The following SELENOF variants were observed in gnomAD, a reference collection of about 807,000 sequenced individuals.
The protein encoded by SELENOF is 15 kDa selenoprotein.
SELENOF carries 16 observed loss-of-function variants against 20.5 expected under a neutral mutation model. The ratio of observed to expected loss-of-function variants is 0.78; its 90% confidence interval spans 0.53 to 1.19. The LOEUF (loss-of-function observed/expected upper bound fraction) is 1.19. SELENOF is among the 50% of genes most tolerant of loss of function. SELENOF has a pLI of 0.00. For missense variants in SELENOF, 215 were observed against 194.2 expected, an observed-to-expected ratio of 1.11 and a Z score of -0.64; for synonymous variants, 78 against 74.5, an observed-to-expected ratio of 1.05 and a Z score of -0.24.
intron 3 of SELENOF, among the ~76,000 whole-genome samples, 177 bp from the exon 4 acceptor site, chr1:86,868,279 T>C (rs1161761905): frequency 6.6e-6 from 1 of 152,214 alleles, no homozygotes; most frequent in Admixed American, 6.5e-5. Flanking sequence ...TCCAATATTT[T>C]AAGACACTAA....
At chr1:86,866,183 T>A (rs1570368894) in intron 4 of SELENOF, among the ~76,000 whole-genome samples, 1 of 100,822 alleles carries the variant, frequency 9.9e-6, no homozygotes, top group African/African-American at 4.3e-5. Flanking sequence ...GGTGACAGAG[T>A]AAGACCATGT....
Position 86,903,333 on chromosome 1 carries a change from T to C in SELENOF, c.200A>G (p.Asp67Gly). The C allele has an allele frequency of 6.2e-7, 1 of 1,612,334 alleles. No homozygotes were observed. The highest frequency in any genetic ancestry group is 8.5e-7 in the Non-Finnish European group (1 of 1,179,190). ...CTGACAGCATCCTCTGCAATCAGGA[T>C]CCAGCTGAAGCAGGTTGAACTGTCC... ...LLGQFNLLQL[D>G]PDCRGCCQEE... is the part of the protein sequence containing the mutation. Residue 67 changes from aspartate to glycine, a missense_variant, in exon 2 of 5, where the codon GAT becomes GGT. Transcript: ENST00000331835.
At chr1:86,896,880 A>T (rs539052828) in intron 2 of SELENOF, among the ~76,000 whole-genome samples, 1 of 152,364 alleles carries the variant, frequency 6.6e-6, no homozygotes, top group East Asian at 1.9e-4. Flanking sequence ...GAAGTTATGT[A>T]TATTTTCAAC....
In SELENOF at chr1:86,882,589, G is replaced by A. The variant is rs575634540; in HGVS notation, c.253-1864C>T. On this transcript the variant is annotated intron_variant, in intron 2 of 4. Coordinates refer to ENST00000331835, the MANE Select transcript of SELENOF (RefSeq NM_004261.5). ...AAGTGGTCCAGTGGCTACAGAAAAT[G>A]GAATTGCAGTTTTGCAAAAAATTAA... Among the ~76,000 whole-genome samples, 26 of 151,412 alleles carry A rather than the reference G, an allele frequency of 1.7e-4. No homozygotes were observed. In the South Asian group the frequency reaches 5.2e-3, roughly 30 times the overall value.
At chr1:86,908,163 GTTACAC>G (rs1479081951) in intron 1 of SELENOF, among the ~76,000 whole-genome samples, 1 of 152,074 alleles carries the variant, frequency 6.6e-6, no homozygotes, top group Non-Finnish European at 1.5e-5. Flanking sequence ...TATATATTTT[GTTACAC>G]TTACACCTAC....
At chr1:86,900,351 C>T (rs377640187) in intron 2 of SELENOF, among the ~76,000 whole-genome samples, 18,918 of 152,146 alleles carry the variant, frequency 0.12, 1,241 homozygotes, top group Non-Finnish European at 0.14. Context: ...CTCTGGAGGC[C>T]GAGGCTGGCG....
At chr1:86,906,361 A>G (rs572886077) in intron 1 of SELENOF, among the ~76,000 whole-genome samples, 5 of 152,352 alleles carry the variant, frequency 3.3e-5, no homozygotes, top group African/African-American at 4.8e-5. Context: ...AAGACAATCA[A>G]TATGTATCAA....
chr1:86,912,933 G>A (rs1660023390), intron 1 of SELENOF, among the ~76,000 whole-genome samples: 1 of 152,072 alleles, frequency 6.6e-6, no homozygotes, highest in Non-Finnish European at 1.5e-5. Flanking sequence ...AACCTGAAAT[G>A]TTATCTCGAA....
chr1:86,864,862 G>C (rs992213869), intron 4 of SELENOF, among the ~76,000 whole-genome samples: 2 of 151,972 alleles, frequency 1.3e-5, no homozygotes, highest in African/African-American at 4.8e-5. Flanking sequence ...TCGAACTCCT[G>C]ACCTCAGGTT....
intron 2 of SELENOF, among the ~76,000 whole-genome samples, chr1:86,901,105 C>G (rs1244354426): frequency 2.0e-5 from 3 of 152,094 alleles, no homozygotes; most frequent in African/African-American, 7.2e-5. Flanking sequence ...GTTGCCCAGA[C>G]TTAAATATTT....
chr1:86,880,730 A>T lies in SELENOF; in HGVS notation c.253-5T>A. 5 of 1,551,768 alleles carry T rather than the reference A, an allele frequency of 3.2e-6. No individual in the cohort carries two copies. The highest frequency in any genetic ancestry group is 4.3e-6 in the Non-Finnish European group (5 of 1,149,606). ...AAGAATAGCTCCTGCATACAGCTAC[A>T]AAAGGAAAAACAGGAATTTAAAAAA... On this transcript the variant is annotated splice_region_variant and splice_polypyrimidine_tract_variant and intron_variant, in intron 2 of 4. Transcript: ENST00000331835.
In SELENOF at chr1:86,909,197, T is replaced by C. The variant is rs1453869291; in HGVS notation, c.84+4831A>G. On this transcript the variant is annotated intron_variant, in intron 1 of 4. Coordinates refer to ENST00000331835, the MANE Select transcript of SELENOF (RefSeq NM_004261.5). ...CTACTTATGCCACCTGATCTTTTTT[T>C]CCCCTTGGGCTAACTGTGACATATG... is the stretch of plus-strand genomic sequence containing the variant. Among the ~76,000 whole-genome samples, 9 of 152,372 alleles carry C rather than the reference T, an allele frequency of 5.9e-5. No individual in the cohort carries two copies. In the East Asian group the frequency reaches 1.5e-3, roughly 26 times the overall value.
chr1:86,888,255 T>G (rs1208100598), intron 2 of SELENOF, among the ~76,000 whole-genome samples: 2 of 144,914 alleles, frequency 1.4e-5, no homozygotes, highest in African/African-American at 5.1e-5. Context: ...AGAGTGAGAC[T>G]CCATCTCAAA....
chr1:86,893,571 T>C (rs1327113202), intron 2 of SELENOF, among the ~76,000 whole-genome samples: 1 of 151,800 alleles, frequency 6.6e-6, no homozygotes, highest in Non-Finnish European at 1.5e-5. Context: ...TAAGCCAAGA[T>C]TGCACCACTG....
intron 2 of SELENOF, among the ~76,000 whole-genome samples, chr1:86,899,675 G>A (rs1470329124): frequency 1.3e-5 from 2 of 151,594 alleles, no homozygotes; most frequent in Non-Finnish European, 2.9e-5. Context: ...TGGGGCGGCT[G>A]GCCTGGCGGG....
chr1:86,867,485 C>A (rs1344699772), intron 4 of SELENOF, among the ~76,000 whole-genome samples: 2 of 144,798 alleles, frequency 1.4e-5, no homozygotes, highest in East Asian at 3.9e-4. Flanking sequence ...GAGCAAGACT[C>A]CGTCTCAACA....
intron 2 of SELENOF, among the ~76,000 whole-genome samples, chr1:86,887,638 C>T (rs1488324466): frequency 1.3e-5 from 2 of 151,872 alleles, no homozygotes; most frequent in African/African-American, 4.8e-5. Context: ...ACTATGAAAC[C>T]TGAAAGAAAA....
At chr1:86,879,763 A>G (rs193298658) in intron 3 of SELENOF, among the ~76,000 whole-genome samples, 2 of 152,370 alleles carry the variant, frequency 1.3e-5, no homozygotes, top group Admixed American at 6.5e-5. Flanking sequence ...CCTTAGTTCA[A>G]GCCTTTCTTG....
intron 2 of SELENOF, among the ~76,000 whole-genome samples, chr1:86,900,094 A>G (rs1659651488): frequency 6.7e-6 from 1 of 148,480 alleles, no homozygotes; most frequent in Non-Finnish European, 1.5e-5. Flanking sequence ...GACGCTCCTC[A>G]CTTTCCAGAC....
Sources: allele counts gnomAD v4.1 joint callset (sites outside exome capture counted in the v4.1 genomes callset), GRCh38; gene constraint gnomAD v4.1.1; transcripts MANE v1.5; gene names NCBI Gene and HGNC (gene_info 2026-07-23, HGNC 2026-07-21).